Variants in GREB1L observed in about 807,000 individuals in gnomAD.
The protein encoded by GREB1L is GREB1-like protein.
In GREB1L, 17 loss-of-function variants were observed where a neutral mutation model predicts 200.8. The observed-to-expected ratio is 0.08, with a 90% CI of 0.06 to 0.13. The LOEUF is 0.13. Among genes scored for constraint, GREB1L ranks in the 10% least tolerant of loss-of-function variants. GREB1L has a pLI of 1.00. For missense variants in GREB1L, 1,657 were observed against 2,367.7 expected (o/e 0.70, Z 6.23); for synonymous variants, 789 against 893.0 (o/e 0.88, Z 2.08).
intron 14 of GREB1L, among the ~76,000 whole-genome samples, chr18:21,453,820 T>C (rs545685092): frequency 2.0e-5 from 3 of 152,240 alleles, no homozygotes; most frequent in African/African-American, 7.2e-5. Context: ...ACCCACGTTA[T>C]GTAGTGACTG....
At chr18:21,381,818 G>A (rs941697367) in intron 2 of GREB1L, among the ~76,000 whole-genome samples, 25 of 152,162 alleles carry the variant, frequency 1.6e-4, no homozygotes, top group African/African-American at 5.1e-4. Flanking sequence ...AGAGACCAAG[G>A]TTTCTAAAAA....
chr18:21,369,444 G>T (rs1449749815), intron 2 of GREB1L, among the ~76,000 whole-genome samples: 1 of 152,142 alleles, frequency 6.6e-6, no homozygotes, highest in Non-Finnish European at 1.5e-5. Context: ...AGAGAGTCTT[G>T]ACAAGAGGTG....
intron 22 of GREB1L, 115 bp downstream of exon 22, chr18:21,500,421 C>G: frequency 1.2e-6 from 1 of 848,270 alleles, no homozygotes; most frequent in South Asian, 1.5e-5. Flanking sequence ...GCAGTGAGGA[C>G]CTCATTCAGG....
Position 21,449,612 on chromosome 18 carries a change from G to T in GREB1L, c.1496G>T (p.Cys499Phe). 2.6e-6 allele frequency: 4 copies of T among 1,551,220 alleles called. No individual in the cohort carries two copies. The highest frequency in any genetic ancestry group is 3.5e-6 in the Non-Finnish European group (4 of 1,146,576). Residue 499 changes from cysteine (C) to phenylalanine (F), a missense_variant, in exon 12 of 33, where the codon TGT becomes TTT. Cys to Phe is a radical substitution (Grantham distance 205). Transcript: ENST00000424526. The stretch of plus-strand genomic sequence containing the variant: ...AGAGCCCTGCAGATAGGTGCTCAGT[G>T]TGTCCCTGTGTCACCAGGACAACTC... ...RERALQIGAQCVPVSPGQLPW... is the reference protein window; with the variant it reads ...RERALQIGAQFVPVSPGQLPW...
At chr18:21,521,255 C>A (rs1184011906) in intron 32 of GREB1L, among the ~76,000 whole-genome samples, 2 of 151,572 alleles carry the variant, frequency 1.3e-5, no homozygotes, top group African/African-American at 2.4e-5. Flanking sequence ...CCTGTAATCC[C>A]AGCTACTCGG....
chr18:21,351,856 A>T (rs150067955), intron 1 of GREB1L, among the ~76,000 whole-genome samples: 3,816 of 151,508 alleles, frequency 0.025, 165 homozygotes, highest in African/African-American at 0.085. Flanking sequence ...TTATTTATTT[A>T]TTTTTTTCTG....
At chr18:21,382,494 T>C (rs2040360465) in intron 2 of GREB1L, among the ~76,000 whole-genome samples, 1 of 150,532 alleles carries the variant, frequency 6.6e-6, no homozygotes, top group Admixed American at 6.6e-5. Context: ...ACATGGAATT[T>C]TTTTTTTTTT....
In GREB1L at chr18:21,499,711, C is replaced by T; in HGVS notation, c.3392-18C>T. The T allele has an allele frequency of 1.3e-6, 2 of 1,529,738 alleles. No homozygotes were observed. Among genetic ancestry groups the T allele is most frequent in the South Asian group, 2.4e-5 (2 of 83,264 alleles). The allele number at this position is 1,529,738 out of a possible 1,614,324, so 94.8% of individuals were successfully genotyped here. ...TAACAGAGCTGCTGTGGGGTGGGTT[C>T]TGTCTGTTCTCTCACAGGTTCCATC... On this transcript the variant is annotated intron_variant, in intron 21 of 32. Coordinates refer to ENST00000424526, the MANE Select transcript of GREB1L (RefSeq NM_001142966.3).
intron 11 of GREB1L, among the ~76,000 whole-genome samples, chr18:21,447,109 C>T (rs974804272): frequency 6.6e-6 from 1 of 152,080 alleles, no homozygotes; most frequent in Non-Finnish European, 1.5e-5. Context: ...AAGACACCTG[C>T]AATGTAATTG....
chr18:21,300,860 A>G (rs1273377631), intron 1 of GREB1L, among the ~76,000 whole-genome samples: 1 of 152,180 alleles, frequency 6.6e-6, no homozygotes, highest in African/African-American at 2.4e-5. Flanking sequence ...GAACAAGATC[A>G]CATTATCTAG....
At chr18:21,340,151 C>T (rs2039246600) in intron 1 of GREB1L, among the ~76,000 whole-genome samples, 1 of 152,294 alleles carries the variant, frequency 6.6e-6, no homozygotes, top group Non-Finnish European at 1.5e-5. Flanking sequence ...GGTGTGGTGG[C>T]TCACGCCTGT....
At chr18:21,434,448 C>T (rs1193501573) in intron 7 of GREB1L, among the ~76,000 whole-genome samples, 1 of 149,860 alleles carries the variant, frequency 6.7e-6, no homozygotes, top group African/African-American at 2.5e-5. Context: ...TGCACTCCAG[C>T]CTTGGCAGCA....
chr18:21,425,312 T>G (rs1489206871), intron 7 of GREB1L, among the ~76,000 whole-genome samples: 1 of 152,214 alleles, frequency 6.6e-6, no homozygotes, highest in Admixed American at 6.5e-5. Context: ...GATGGGCATT[T>G]GGGTTATTTC....
intron 1 of GREB1L, among the ~76,000 whole-genome samples, chr18:21,284,882 G>C (rs536394579): frequency 6.6e-6 from 1 of 152,256 alleles, no homozygotes; most frequent in African/African-American, 2.4e-5. Context: ...CAGTGGGTAT[G>C]AAGTAGTATC....
At chr18:21,484,105 C>T (rs1359034868) in intron 17 of GREB1L, among the ~76,000 whole-genome samples, 1 of 151,736 alleles carries the variant, frequency 6.6e-6, no homozygotes, top group Non-Finnish European at 1.5e-5. Flanking sequence ...TCTTCCTTCT[C>T]TTACCCTTGC....
At chr18:21,361,126 C>A (rs1238525785) in intron 1 of GREB1L, among the ~76,000 whole-genome samples, 1 of 151,964 alleles carries the variant, frequency 6.6e-6, no homozygotes, top group Non-Finnish European at 1.5e-5. Context: ...AGATGAGTAC[C>A]ACACTGAAGG....
At chr18:21,421,021 A>G (rs2032102808) in intron 7 of GREB1L, among the ~76,000 whole-genome samples, 1 of 152,214 alleles carries the variant, frequency 6.6e-6, no homozygotes, top group South Asian at 2.1e-4. Context: ...GAAACAAAAA[A>G]AGGGATACTG....
chr18:21,282,745 G>C (rs375250214), intron 1 of GREB1L, among the ~76,000 whole-genome samples: 2 of 151,948 alleles, frequency 1.3e-5, no homozygotes, highest in East Asian at 3.9e-4. Flanking sequence ...GACTATAGGC[G>C]CCTGCCACCA....
At chr18:21,304,060 G>A (rs938962199) in intron 1 of GREB1L, among the ~76,000 whole-genome samples, 6 of 152,106 alleles carry the variant, frequency 3.9e-5, no homozygotes, top group African/African-American at 1.4e-4. Flanking sequence ...CTCTTTTGAT[G>A]TAGCAGTACT....
Sources: gnomAD v4.1 joint callset for allele counts (sites outside exome capture counted in the v4.1 genomes callset) on GRCh38, gnomAD v4.1.1 for gene constraint, MANE v1.5 for transcripts, NCBI Gene and HGNC (gene_info 2026-07-23, HGNC 2026-07-21) for gene names.